The following GSG1L variants were observed in gnomAD, a reference collection of about 807,000 sequenced individuals.
The protein encoded by GSG1L is germ cell-specific gene 1-like protein.
GSG1L carries 24 observed loss-of-function variants against 42.1 expected under a neutral mutation model. That is an observed-to-expected ratio of 0.57 (90% CI 0.41 to 0.80). GSG1L has a LOEUF of 0.80. Among genes scored for constraint, GSG1L ranks in the 30% least tolerant of loss-of-function variants. The probability of loss-of-function intolerance (pLI) is 0.00; values close to 1 mark genes in which losing one functional copy is unlikely to be tolerated. For synonymous variants in GSG1L, 215 were observed against 203.5 expected, an observed-to-expected ratio of 1.06 and a Z score of -0.48; for missense variants, 445 against 472.2, an observed-to-expected ratio of 0.94 and a Z score of 0.53.
intron 3 of GSG1L, among the ~76,000 whole-genome samples, chr16:27,882,705 C>G (rs1307867259): frequency 1.3e-5 from 2 of 152,196 alleles, no homozygotes; most frequent in African/African-American, 4.8e-5. Flanking sequence ...CTCATCCCGA[C>G]TCCCTGGGCA....
At chr16:28,007,639 A>G (rs2085659625) in intron 1 of GSG1L, among the ~76,000 whole-genome samples, 2 of 152,062 alleles carry the variant, frequency 1.3e-5, no homozygotes, top group Non-Finnish European at 2.9e-5. Context: ...CAACCTCCTG[A>G]GTATCTGGGA....
intron 3 of GSG1L, among the ~76,000 whole-genome samples, chr16:27,870,641 G>T (rs1018727072): frequency 1.3e-5 from 2 of 151,498 alleles, no homozygotes; most frequent in African/African-American, 4.9e-5. Context: ...ATTTCCTGCA[G>T]GAGGTCCTGC....
intron 4 of GSG1L, among the ~76,000 whole-genome samples, chr16:27,829,909 C>G (rs917166660): frequency 1.1e-4 from 17 of 152,148 alleles, no homozygotes; most frequent in African/African-American, 4.1e-4. Flanking sequence ...TGTAAACTCT[C>G]CCCCTGAGAG....
intron 5 of GSG1L, among the ~76,000 whole-genome samples, chr16:27,822,245 C>T (rs1040612672): frequency 2.6e-5 from 4 of 152,158 alleles, no homozygotes; most frequent in Non-Finnish European, 5.9e-5. Flanking sequence ...AAGCGAGTTA[C>T]CTGGGGACTC....
intron 2 of GSG1L, among the ~76,000 whole-genome samples, chr16:27,923,128 A>G (rs2084545998): frequency 6.6e-6 from 1 of 152,158 alleles, no homozygotes; most frequent in African/African-American, 2.4e-5. Flanking sequence ...GATTTGACAA[A>G]TTGAACTGGT....
intron 1 of GSG1L, among the ~76,000 whole-genome samples, chr16:28,031,162 G>A (rs1331347352): frequency 2.1e-5 from 3 of 145,630 alleles, no homozygotes; most frequent in Middle Eastern, 4.2e-3. Context: ...GGGATGGGTT[G>A]AGATGGGAAT....
chr16:27,925,069 A>C (rs1301697808), intron 2 of GSG1L, among the ~76,000 whole-genome samples: 1 of 152,194 alleles, frequency 6.6e-6, no homozygotes, highest in African/African-American at 2.4e-5. Flanking sequence ...GTGGACAGGT[A>C]AACAGAACCA....
chr16:27,845,925 A>C (rs1489287912), intron 3 of GSG1L, among the ~76,000 whole-genome samples: 4 of 151,584 alleles, frequency 2.6e-5, no homozygotes, highest in African/African-American at 9.7e-5. Context: ...TTTTTTGAGA[A>C]AGAGTCTCGC....
chr16:27,945,142 G>T lies in GSG1L; in HGVS notation c.397+18014C>A, dbSNP rs547575613. ...TCTCTTGGAGGTGGGAGGATTGAGG[G>T]GTAAGTGCTCAAGTAAATGGGGTTC... is the stretch of plus-strand genomic sequence containing the variant. On this transcript the variant is annotated intron_variant, in intron 2 of 6. Coordinates refer to ENST00000447459, the MANE Select transcript of GSG1L (RefSeq NM_001109763.2). Among the ~76,000 whole-genome samples the T allele has an allele frequency of 3.3e-5, 5 of 151,894 alleles. No individual in the cohort carries two copies. The South Asian group carries it at 1.0e-3, about 32-fold the overall frequency.
chr16:28,050,591 G>A (rs896008029), intron 1 of GSG1L, among the ~76,000 whole-genome samples: 2 of 152,204 alleles, frequency 1.3e-5, no homozygotes, highest in Non-Finnish European at 2.9e-5. Context: ...GGAACAACTC[G>A]GCCAGCAGGT....
chr16:27,817,106 T>G (rs1425028659), intron 5 of GSG1L, among the ~76,000 whole-genome samples: 1 of 152,190 alleles, frequency 6.6e-6, no homozygotes, highest in African/African-American at 2.4e-5. Context: ...GAGGGAGGGT[T>G]TCAGGGAGGA....
Position 27,884,753 on chromosome 16 carries a change from G to T in GSG1L, c.398-115C>A. ...AGCAAGTCATTCTAGAATAGAACCTGGTTCTGGGGGAGGTCCTGATGGAAG... is the reference window on the plus strand; with the variant it reads ...AGCAAGTCATTCTAGAATAGAACCTTGTTCTGGGGGAGGTCCTGATGGAAG... On this transcript the variant is annotated intron_variant, in intron 2 of 6. Coordinates refer to ENST00000447459, the MANE Select transcript of GSG1L (RefSeq NM_001109763.2). The surrounding 1 kb of genome is among the most constrained non-coding windows in gnomAD (Gnocchi z 4.4). 1 of 1,051,234 alleles carries T rather than the reference G, an allele frequency of 9.5e-7. No homozygotes were observed. Among genetic ancestry groups the T allele is most frequent in the Non-Finnish European group, 1.3e-6 (1 of 746,924 alleles). 65.1% of individuals were successfully genotyped at this position (1,051,234 alleles called of 1,614,324 possible). A position where few individuals can be genotyped will look rare whatever the true frequency, so the allele number is the denominator to read the frequency against.
intron 1 of GSG1L, among the ~76,000 whole-genome samples, chr16:28,003,471 A>T (rs547020898): frequency 3.3e-4 from 51 of 152,304 alleles, no homozygotes; most frequent in Admixed American, 3.3e-3. Flanking sequence ...TACAGAAGCC[A>T]ACCCACCTCC....
intron 2 of GSG1L, among the ~76,000 whole-genome samples, chr16:27,909,068 T>C (rs570658022): frequency 6.6e-6 from 1 of 152,234 alleles, no homozygotes; most frequent in Non-Finnish European, 1.5e-5. Context: ...AAACCTGAGT[T>C]TCCCCACCTG....
At chr16:27,929,022 T>G (rs1409521861) in intron 2 of GSG1L, among the ~76,000 whole-genome samples, 1 of 152,220 alleles carries the variant, frequency 6.6e-6, no homozygotes, top group East Asian at 1.9e-4. Flanking sequence ...GAGGAGCTTT[T>G]AAAAACTAAC....
chr16:27,909,635 C>CTTTTT (rs10709968), intron 2 of GSG1L, among the ~76,000 whole-genome samples: 6 of 88,274 alleles, frequency 6.8e-5, no homozygotes, highest in South Asian at 4.0e-4. Flanking sequence ...CTGCACCCAG[C>CTTTTT]TTTTTTTTTT....
chr16:28,061,104 G>C (rs1174866385), intron 1 of GSG1L, among the ~76,000 whole-genome samples: 1 of 152,186 alleles, frequency 6.6e-6, no homozygotes, highest in Non-Finnish European at 1.5e-5. Flanking sequence ...CAGAGGAAGG[G>C]AGGCAGAGGT....
chr16:28,014,654 ATTTTTTTTT>A (rs3033619), intron 1 of GSG1L, among the ~76,000 whole-genome samples: 4 of 73,452 alleles, frequency 5.4e-5, no homozygotes, highest in African/African-American at 1.5e-4. Flanking sequence ...CAGGCACGCT[ATTTTTTTTT>A]TTTTTTTTTT....
intron 2 of GSG1L, among the ~76,000 whole-genome samples, chr16:27,908,066 T>C (rs2084339534): frequency 6.6e-6 from 1 of 152,222 alleles, no homozygotes; most frequent in Admixed American, 6.5e-5. Flanking sequence ...ACTTCTGACT[T>C]TGAGCTCAGC....
Sources: gnomAD v4.1 joint callset for allele counts (sites outside exome capture counted in the v4.1 genomes callset) on GRCh38, gnomAD v4.1.1 for gene constraint, Gnocchi (gnomAD v3.1) non-coding constraint, MANE v1.5 for transcripts, NCBI Gene and HGNC (gene_info 2026-07-23, HGNC 2026-07-21) for gene names.